The following OPHN1 variants were observed in gnomAD, a reference collection of about 807,000 sequenced individuals.
OPHN1 encodes the protein oligophrenin 1, also known as oligophrenin-1.
In OPHN1, 11 loss-of-function variants were observed where a neutral mutation model predicts 60.7. The observed-to-expected ratio is 0.18, with a 90% confidence interval of 0.11 to 0.30. The LOEUF is 0.30. OPHN1 is among the 10% of genes least tolerant of loss of function. OPHN1 has a pLI of 1.00. For synonymous variants in OPHN1, 226 were observed against 222.6 expected (o/e 1.02, Z -0.14); for missense variants, 449 against 611.0 (o/e 0.73, Z 2.80).
At chrX:68,404,856 G>GT (rs1297038188) in intron 2 of OPHN1, among the ~76,000 whole-genome samples, 2 of 111,501 alleles carry the variant, frequency 1.8e-5, no homozygotes, top group Admixed American at 1.9e-4. Context: ...CCAATATGAA[G>GT]TAACAAAAGT....
intron 3 of OPHN1, among the ~76,000 whole-genome samples, chrX:68,284,041 A>C (rs1602296369): frequency 1.8e-5 from 2 of 111,935 alleles, no homozygotes; most frequent in South Asian, 3.8e-4. Context: ...CAGAAAGAGT[A>C]AACAGGAAAA....
At chrX:68,192,783 G>A in intron 15 of OPHN1, 136 bp downstream of exon 15, 1 of 530,913 alleles carries the variant, frequency 1.9e-6, no homozygotes, top group Non-Finnish European at 3.2e-6. Context: ...GGGCAAGTAT[G>A]TGTATGTTTT....
chrX:68,160,683 C>T (rs2077330671), intron 15 of OPHN1, among the ~76,000 whole-genome samples: 1 of 110,890 alleles, frequency 9.0e-6, no homozygotes, highest in Non-Finnish European at 1.9e-5. Context: ...ACCAACACAT[C>T]AAATAATATT....
chrX:68,178,111 T>A (rs1204186766), intron 15 of OPHN1, among the ~76,000 whole-genome samples: 1 of 112,039 alleles, frequency 8.9e-6, no homozygotes, highest in Non-Finnish European at 1.9e-5. Flanking sequence ...TGTTTTCCTA[T>A]GGCAGCATTT....
chrX:68,342,710 G>A (rs971248654), intron 2 of OPHN1, among the ~76,000 whole-genome samples: 2 of 111,534 alleles, frequency 1.8e-5, no homozygotes, highest in African/African-American at 6.5e-5. Context: ...CAGAGGCCAA[G>A]GTGGGAGGGT....
chrX:68,224,506 A>G (rs1192960393), intron 6 of OPHN1, among the ~76,000 whole-genome samples: 1 of 111,862 alleles, frequency 8.9e-6, no homozygotes, highest in African/African-American at 3.2e-5. Context: ...AAAAATAAAT[A>G]AAATAAAATA....
intron 2 of OPHN1, among the ~76,000 whole-genome samples, chrX:68,324,884 TAA>T (rs554739397): frequency 1.2e-4 from 10 of 86,239 alleles, no homozygotes; most frequent in Admixed American, 1.3e-4. Flanking sequence ...TCCACAAAAG[TAA>T]AAAAAAAAAA....
At chrX:68,299,919 T>C (rs1166343971) in intron 2 of OPHN1, among the ~76,000 whole-genome samples, 1 of 109,863 alleles carries the variant, frequency 9.1e-6, no homozygotes, top group Non-Finnish European at 1.9e-5. Context: ...CAAGAGTGGT[T>C]CTAAGGCCAG....
At chrX:68,262,705 T>C (rs755917889) in intron 5 of OPHN1, among the ~76,000 whole-genome samples, 2 of 112,058 alleles carry the variant, frequency 1.8e-5, no homozygotes, top group Admixed American at 1.9e-4. Flanking sequence ...AAGAAGCGCT[T>C]GAACCCGGGA....
At chrX:68,129,660 T>A (rs928800876) in intron 15 of OPHN1, among the ~76,000 whole-genome samples, 4 of 112,018 alleles carry the variant, frequency 3.6e-5, no homozygotes, top group Non-Finnish European at 7.5e-5. Context: ...ACAAAACAAC[T>A]ATAGAAAGTT....
At chrX:68,316,422 T>C (rs768761659) in intron 2 of OPHN1, among the ~76,000 whole-genome samples, 1 of 112,201 alleles carries the variant, frequency 8.9e-6, no homozygotes, top group African/African-American at 3.2e-5. Flanking sequence ...TAGTTTTCTA[T>C]TCGCTGCCAT....
chrX:68,278,619 C>G (rs1207984628), intron 4 of OPHN1, among the ~76,000 whole-genome samples: 1 of 113,643 alleles, frequency 8.8e-6, no homozygotes, highest in African/African-American at 3.2e-5. Context: ...GGCGCAGTGG[C>G]TTGCGCCTGT....
intron 19 of OPHN1, among the ~76,000 whole-genome samples, chrX:68,078,107 T>C (rs1371627298): frequency 9.0e-6 from 1 of 111,568 alleles, no homozygotes; most frequent in Non-Finnish European, 1.9e-5. Flanking sequence ...GCCCTTCCAT[T>C]TGGTTTTGAA....
At chrX:68,213,606 A>C (rs760664158) in intron 7 of OPHN1, among the ~76,000 whole-genome samples, 3 of 107,337 alleles carry the variant, frequency 2.8e-5, no homozygotes, top group African/African-American at 6.8e-5. Context: ...GAAATTCCGG[A>C]AGGGGGGAGG....
intron 2 of OPHN1, among the ~76,000 whole-genome samples, chrX:68,429,631 G>C (rs980017394): frequency 3.6e-5 from 4 of 111,027 alleles, no homozygotes; most frequent in African/African-American, 1.3e-4. Flanking sequence ...ACTGAGGTGG[G>C]AGGATCACTT....
chrX:68,292,587 G>T (rs777669785), intron 3 of OPHN1, among the ~76,000 whole-genome samples: 1 of 111,199 alleles, frequency 9.0e-6, no homozygotes, highest in Non-Finnish European at 1.9e-5. Context: ...TTAATCTGAT[G>T]CTTCCCTGAA....
intron 15 of OPHN1, among the ~76,000 whole-genome samples, chrX:68,187,894 G>A (rs973594293): frequency 4.5e-5 from 5 of 111,770 alleles, no homozygotes; most frequent in African/African-American, 6.5e-5. Flanking sequence ...CCCAAAGTGC[G>A]GGGATTACAG....
intron 5 of OPHN1, among the ~76,000 whole-genome samples, chrX:68,265,230 C>T (rs894007884): frequency 3.6e-5 from 4 of 112,233 alleles, no homozygotes; most frequent in Non-Finnish European, 7.5e-5. Flanking sequence ...CAGACTGCCT[C>T]CTCAAGTGGG....
Position 68,112,061 on chromosome X carries a change from G to GCACACACACACACA in OPHN1, c.1421-116_1421-103dup, listed in dbSNP as rs56107322. On this transcript the variant is annotated intron_variant, in intron 17 of 24. Transcript: ENST00000355520. The stretch of plus-strand genomic sequence containing the variant: ...CACAAACACACACACATGCACACAT[G>GCACACACACACACA]CACACACACACACACACACACACAC... 4.3e-3 allele frequency: 1,676 copies of GCACACACACACACA among 389,421 alleles called. 37 individuals are homozygous for GCACACACACACACA. The African/African-American group carries it at 0.047, about 11-fold the overall frequency. The allele number at this position is 389,421 out of a possible 1,213,427, so 32.1% of individuals were successfully genotyped here.
Sources: gnomAD v4.1 joint callset for allele counts (sites outside exome capture counted in the v4.1 genomes callset) on GRCh38, gnomAD v4.1.1 for gene constraint, MANE v1.5 for transcripts, NCBI Gene and HGNC (gene_info 2026-07-23, HGNC 2026-07-21) for gene names.